PDE4B: variants seen among roughly 807,000 people sequenced by gnomAD.
PDE4B encodes 3',5'-cyclic-AMP phosphodiesterase 4B.
A neutral mutation model predicts 82.2 loss-of-function variants in PDE4B; 20 were observed. The observed-to-expected ratio is 0.24, with a 90% CI of 0.17 to 0.35. PDE4B has a LOEUF of 0.35. PDE4B is among the 10% of genes least tolerant of loss of function. The probability of loss-of-function intolerance (pLI) is 1.00; values close to 1 mark genes in which losing one functional copy is unlikely to be tolerated. For synonymous variants in PDE4B, 320 were observed against 318.9 expected, an observed-to-expected ratio of 1.00 and a Z score of -0.04; for missense variants, 655 against 907.2, an observed-to-expected ratio of 0.72 and a Z score of 3.57.
intron 3 of PDE4B, among the ~76,000 whole-genome samples, chr1:65,988,997 AATATTTTTGGCT>A (rs1275505579): frequency 6.6e-6 from 1 of 152,268 alleles, no homozygotes; most frequent in Admixed American, 6.5e-5. Flanking sequence ...ATAAATTTAT[AATATTTTTGGCT>A]GTAATTAATT....
At chr1:66,325,204 GC>G (rs1659662173) in intron 7 of PDE4B, among the ~76,000 whole-genome samples, 1 of 152,182 alleles carries the variant, frequency 6.6e-6, no homozygotes, top group Admixed American at 6.5e-5. Flanking sequence ...CATCTACAGG[GC>G]TAGAAGCTTG....
At chr1:66,032,525 G>C (rs1170271277) in intron 3 of PDE4B, among the ~76,000 whole-genome samples, 7 of 152,164 alleles carry the variant, frequency 4.6e-5, no homozygotes, top group Admixed American at 4.6e-4. Flanking sequence ...TTGACAGTAT[G>C]TGCACGTAAA....
intron 4 of PDE4B, among the ~76,000 whole-genome samples, chr1:66,251,931 A>T (rs565717469): frequency 1.1e-4 from 17 of 152,278 alleles, no homozygotes; most frequent in African/African-American, 3.6e-4. Context: ...GCAACATTTT[A>T]AAAAAATAGC....
At chr1:66,121,106 C>T (rs1405828956) in intron 3 of PDE4B, among the ~76,000 whole-genome samples, 1 of 152,138 alleles carries the variant, frequency 6.6e-6, no homozygotes, top group East Asian at 1.9e-4. Flanking sequence ...GAAAATAGTG[C>T]TGCCTCAGGG....
At chr1:65,905,199 T>C (rs1300276382) in intron 1 of PDE4B, among the ~76,000 whole-genome samples, 1 of 152,170 alleles carries the variant, frequency 6.6e-6, no homozygotes, top group Non-Finnish European at 1.5e-5. Flanking sequence ...TGAAAAATAC[T>C]GTGAATAGAA....
At chr1:65,809,139 T>C (rs558153117) in intron 1 of PDE4B, among the ~76,000 whole-genome samples, 7 of 152,030 alleles carry the variant, frequency 4.6e-5, no homozygotes, top group Admixed American at 1.3e-4. Context: ...GAAACCAGCC[T>C]GGTCAACATG....
chr1:66,038,171 A>G lies in PDE4B; in HGVS notation c.281+119336A>G, dbSNP rs559443657. ...GATTCATTTATTCAGTCAGTTGGAC[A>G]GTCAATTATATATTTTACAAATTGT... On this transcript the variant is annotated intron_variant, in intron 3 of 16. Transcript: ENST00000341517. Among the ~76,000 whole-genome samples, 9 of 152,306 alleles carry G rather than the reference A, an allele frequency of 5.9e-5. No homozygotes were observed. The East Asian group carries it at 1.7e-3, about 29-fold the overall frequency.
chr1:66,189,928 A>G (rs1347352605), intron 3 of PDE4B, among the ~76,000 whole-genome samples: 4 of 151,954 alleles, frequency 2.6e-5, no homozygotes, highest in Admixed American at 6.6e-5. Context: ...TAGAGTTTCC[A>G]GTTTTTCTGC....
chr1:65,817,417 T>G (rs1645898772), intron 1 of PDE4B, among the ~76,000 whole-genome samples: 1 of 152,204 alleles, frequency 6.6e-6, no homozygotes, highest in African/African-American at 2.4e-5. Flanking sequence ...AGCAAGACTC[T>G]TCTGTAACTC....
chr1:65,904,960 T>C (rs1647012813), intron 1 of PDE4B, among the ~76,000 whole-genome samples: 1 of 152,150 alleles, frequency 6.6e-6, no homozygotes, highest in Non-Finnish European at 1.5e-5. Flanking sequence ...ACATTTGCAG[T>C]TTACCAGGCA....
chr1:66,034,795 G>A (rs936863470), intron 3 of PDE4B, among the ~76,000 whole-genome samples: 1 of 152,118 alleles, frequency 6.6e-6, no homozygotes, highest in African/African-American at 2.4e-5. Context: ...ATTTGGCTCT[G>A]TCTGCCCTGA....
chr1:65,833,709 C>T (rs2101307143), intron 1 of PDE4B, among the ~76,000 whole-genome samples: 1 of 152,300 alleles, frequency 6.6e-6, no homozygotes, highest in South Asian at 2.1e-4. Context: ...TCTTCATTAA[C>T]ATTATCACTT....
At chr1:66,365,205 A>G (rs1169839875) in intron 12 of PDE4B, among the ~76,000 whole-genome samples, 1 of 152,212 alleles carries the variant, frequency 6.6e-6, no homozygotes, top group African/African-American at 2.4e-5. Context: ...TAGCTTTGGG[A>G]AATAATTTAT....
chr1:65,926,421 A>G (rs1264693524), intron 3 of PDE4B, among the ~76,000 whole-genome samples: 1 of 152,144 alleles, frequency 6.6e-6, no homozygotes, highest in Non-Finnish European at 1.5e-5. Flanking sequence ...TGCCTTTAGT[A>G]CATTCTTAAA....
chr1:66,146,540 G>T (rs1646276956), intron 3 of PDE4B, among the ~76,000 whole-genome samples: 1 of 152,050 alleles, frequency 6.6e-6, no homozygotes, highest in Non-Finnish European at 1.5e-5. Flanking sequence ...TGGATGAGCA[G>T]CTAAACAGTT....
chr1:66,047,716 C>T (rs1036449344), intron 3 of PDE4B, among the ~76,000 whole-genome samples: 1 of 151,910 alleles, frequency 6.6e-6, no homozygotes, highest in Non-Finnish European at 1.5e-5. Context: ...TATCTGTTAC[C>T]GTGAGCTTTC....
chr1:66,093,372 A>T (rs1378142681), intron 3 of PDE4B, among the ~76,000 whole-genome samples: 4 of 152,066 alleles, frequency 2.6e-5, no homozygotes, highest in Non-Finnish European at 4.4e-5. Flanking sequence ...TTTTTATATT[A>T]AGAAACTGAG....
At chr1:66,063,036 C>A (rs1209954509) in intron 3 of PDE4B, 1 of 151,976 alleles carries the variant, frequency 6.6e-6, no homozygotes, top group Non-Finnish European at 1.5e-5. Context: ...GCTGGTACTG[C>A]TTGTCTCTAG....
rs200929311 is a variant in PDE4B at position 66,332,483 on chromosome 1, T to C, written c.635-25T>C. 31 of 1,614,188 alleles carry C rather than the reference T, an allele frequency of 1.9e-5. No homozygotes were observed. The Admixed American group carries it at 5.2e-4, about 27-fold the overall frequency. On this transcript the variant is annotated intron_variant, in intron 7 of 16. Coordinates refer to ENST00000341517, the MANE Select transcript of PDE4B (RefSeq NM_002600.4). ...CAGCCTGCAGCCGCTCCAGCCTAAC[T>C]ACATGCCTGTGTGTTTGTTTGCAGA...
Sources: gnomAD v4.1 joint callset for allele counts (sites outside exome capture counted in the v4.1 genomes callset) on GRCh38, gnomAD v4.1.1 for gene constraint, MANE v1.5 for transcripts, NCBI Gene and HGNC (gene_info 2026-07-23, HGNC 2026-07-21) for gene names.